RBM10: variants seen among roughly 807,000 people sequenced by gnomAD.
RBM10 encodes the protein RNA binding motif protein 10.
In RBM10, 1 loss-of-function variant was observed where a neutral mutation model predicts 84.9. The observed-to-expected ratio is 0.01, with a 90% CI of 0.00 to 0.06. RBM10 has a LOEUF of 0.06. Among genes scored for constraint, RBM10 ranks in the 10% least tolerant of loss-of-function variants. The pLI is 1.00. For synonymous variants in RBM10, 326 were observed against 344.5 expected (o/e 0.95, Z 0.60); for missense variants, 438 against 839.0 (o/e 0.52, Z 5.90).
intron 10 of RBM10, 54 bp downstream of exon 10, chrX:47,180,094 G>A (rs1240581443): frequency 8.3e-7 from 1 of 1,198,943 alleles, no homozygotes; most frequent in East Asian, 3.0e-5. Context: ...CCCCGGGGTG[G>A]AGACGAGGGT....
At chrX:47,145,511 G>A in intron 1 of RBM10, 26 bp downstream of exon 1, 1 of 1,151,876 alleles carries the variant, frequency 8.7e-7, no homozygotes, top group Non-Finnish European at 1.1e-6. Flanking sequence ...GGTCGTGGGG[G>A]CGGAGGTAAG....
chrX:47,162,536 C>G (rs1933801474), intron 2 of RBM10, among the ~76,000 whole-genome samples: 1 of 111,561 alleles, frequency 9.0e-6, no homozygotes, highest in Non-Finnish European at 1.9e-5. Context: ...AGCTTAATTA[C>G]CCTCCTTTTG....
chrX:47,186,118 C>T lies in RBM10; in HGVS notation c.2484C>T (p.Pro828=), dbSNP rs139148914. ...AAERREKYGI[P]EPPEPKRRKY... is the part of the protein sequence containing the mutation. ...AACGCAGAGAAAAGTATGGCATCCC[C>T]GAGCCGCCAGAGCCCAAGAGGAGGA... The change falls in exon 22 of 24, where the codon CCC becomes CCT. Residue 828 remains proline, a synonymous_variant. Coordinates refer to ENST00000377604, the MANE Select transcript of RBM10 (RefSeq NM_005676.5). 3.1e-4 allele frequency: 370 copies of T among 1,211,904 alleles called. No homozygotes were observed. The highest frequency in any genetic ancestry group is 3.8e-4 in the Non-Finnish European group (344 of 895,590).
At chrX:47,168,351 C>A (rs369332682) in intron 2 of RBM10, among the ~76,000 whole-genome samples, 5 of 111,080 alleles carry the variant, frequency 4.5e-5, no homozygotes, top group African/African-American at 1.6e-4. Context: ...GAATTTGAGA[C>A]CAGCCTGGCA....
At chrX:47,169,626 G>A (rs1339545547) in intron 3 of RBM10, 128 bp downstream of exon 3, 1 of 701,008 alleles carries the variant, frequency 1.4e-6, no homozygotes, top group African/African-American at 2.2e-5. Context: ...CGGTGGCTTT[G>A]CCTCACCTGG....
At position 47,185,749 on chromosome X, in the gene RBM10, T is replaced by C. The variant is rs1556782149; in HGVS notation, c.2389T>C (p.Ser797Pro). ...NLEIHRRAHL[S>P]ENELEALEKN... is the part of the protein sequence containing the mutation. ...TGAGATTCACCGGCGAGCCCACTTGTCAGAAAACGAGCTAGAAGCACTAGA... is the reference window on the plus strand; with the variant it reads ...TGAGATTCACCGGCGAGCCCACTTGCCAGAAAACGAGCTAGAAGCACTAGA... The change falls in exon 21 of 24, where the codon TCA (serine) becomes CCA (proline). Residue 797 changes from serine (S) to proline (P), a missense_variant. Around this residue, in one of 8 missense-constraint regions of RBM10, gnomAD observed 92 missense variants for 199.9 expected, o/e 0.46. Coordinates refer to ENST00000377604, the MANE Select transcript of RBM10 (RefSeq NM_005676.5). The C allele has an allele frequency of 6.6e-6, 8 of 1,211,669 alleles. No homozygotes were observed. The highest frequency in any genetic ancestry group is 5.6e-6 in the Non-Finnish European group (5 of 895,416).
At chrX:47,157,448 G>C (rs1933256461) in intron 2 of RBM10, 1 of 371,103 alleles carries the variant, frequency 2.7e-6, no homozygotes, top group African/African-American at 2.5e-5. Context: ...AAGCCAGGCT[G>C]TTCTTCTCCA....
intron 9 of RBM10, 82 bp downstream of exon 9, chrX:47,179,577 G>A (rs2147170792): frequency 9.8e-7 from 1 of 1,024,434 alleles, no homozygotes; most frequent in Non-Finnish European, 1.3e-6. Flanking sequence ...CAGTGAGCAG[G>A]ACCTCATCCT....
At chrX:47,174,660 T>G (rs948368361) in intron 5 of RBM10, among the ~76,000 whole-genome samples, 1 of 110,148 alleles carries the variant, frequency 9.1e-6, no homozygotes, top group African/African-American at 3.3e-5. Context: ...TGGAGGCAGA[T>G]CTCTCGTATT....
chrX:47,185,980 C>T, intron 21 of RBM10, 85 bp from the exon 22 acceptor site: 1 of 1,153,433 alleles, frequency 8.7e-7, no homozygotes, highest in Non-Finnish European at 1.2e-6. Flanking sequence ...GATGGCATGC[C>T]CTGTGGGACC....
chrX:47,173,091 G>A, intron 4 of RBM10, 37 bp from the exon 5 acceptor site: 1 of 1,211,846 alleles, frequency 8.3e-7, no homozygotes, highest in East Asian at 3.0e-5. Flanking sequence ...CGGCCCCATT[G>A]TGCTGAGCCT....
chrX:47,171,067 A>AGGC lies in RBM10; in HGVS notation c.254_256dup (p.Arg85dup), dbSNP rs781998738. On this transcript the variant is annotated inframe_insertion, in exon 4 of 24. Coordinates refer to ENST00000377604, the MANE Select transcript of RBM10 (RefSeq NM_005676.5). The stretch of plus-strand genomic sequence containing the variant: ...CTCCCCGGGCTCCGAGACTCAGCGT[A>AGGC]GGCGGCGGCGGCGGCACAGGCACAG... The AGGC allele has an allele frequency of 9.1e-6, 11 of 1,208,425 alleles. No homozygotes were observed. Among genetic ancestry groups the AGGC allele is most frequent in the South Asian group, 1.8e-5 (1 of 56,597 alleles).
intron 2 of RBM10, among the ~76,000 whole-genome samples, chrX:47,162,069 C>G (rs933752959): frequency 5.4e-5 from 6 of 111,733 alleles, no homozygotes. Flanking sequence ...TCTCCATCTC[C>G]TGATCTCGTG....
intron 3 of RBM10, 25 bp downstream of exon 3, chrX:47,169,523 G>C (rs782214676): frequency 1.7e-6 from 2 of 1,186,968 alleles, no homozygotes; most frequent in South Asian, 1.8e-5. Context: ...CGCTGCGCCA[G>C]GCCTGGCTGG....
chrX:47,149,346 GTTTGTTTTGT>G (rs782315331), intron 2 of RBM10, among the ~76,000 whole-genome samples: 3 of 106,664 alleles, frequency 2.8e-5, no homozygotes, highest in South Asian at 4.1e-4. Context: ...TTTTTTGTTT[GTTTGTTTTGT>G]TTTGTTTTGT....
At chrX:47,154,300 C>T (rs1932917906) in intron 2 of RBM10, among the ~76,000 whole-genome samples, 1 of 111,398 alleles carries the variant, frequency 9.0e-6, no homozygotes, top group African/African-American at 3.3e-5. Flanking sequence ...TGTTCCCTTC[C>T]TGAGTTTAGA....
Position 47,161,998 on chromosome X carries a change from A to G in RBM10, c.18-7317A>G, listed in dbSNP as rs1454897933. On this transcript the variant is annotated intron_variant, in intron 2 of 23. Coordinates refer to ENST00000377604, the MANE Select transcript of RBM10 (RefSeq NM_005676.5). ...GCTGGGATTACAGGCACGCGTTACC[A>G]CACCCAGCTAATTTTTGTATTTTTA... Among the ~76,000 whole-genome samples the G allele has an allele frequency of 3.6e-5, 4 of 109,865 alleles. No homozygotes were observed. In the Admixed American group the frequency reaches 3.9e-4, roughly 11 times the overall value.
chrX:47,161,531 T>TAAG (rs1486684564), intron 2 of RBM10, among the ~76,000 whole-genome samples: 1 of 46,724 alleles, frequency 2.1e-5, no homozygotes, highest in Non-Finnish European at 4.1e-5. Context: ...TTTTTTTTTT[T>TAAG]TTAGTGAGAG....
At chrX:47,184,986 C>G (rs1602602235) in intron 17 of RBM10, 69 bp from the exon 18 acceptor site, 1 of 1,126,074 alleles carries the variant, frequency 8.9e-7, no homozygotes, top group East Asian at 3.3e-5. Context: ...GGCAGTGGGT[C>G]AGCAGATAGA....
Sources: gnomAD v4.1 joint callset for allele counts (sites outside exome capture counted in the v4.1 genomes callset) on GRCh38, gnomAD v4.1.1 for gene constraint, gnomAD v4.1.1 regional missense constraint, MANE v1.5 for transcripts, NCBI Gene and HGNC (gene_info 2026-07-23, HGNC 2026-07-21) for gene names.